SHC4: variants seen among roughly 807,000 people sequenced by gnomAD.
SHC4 encodes the protein SHC adaptor protein 4.
A neutral mutation model predicts 69.4 loss-of-function variants in SHC4; 41 were observed. The ratio of observed to expected loss-of-function variants is 0.59; its 90% confidence interval spans 0.46 to 0.77. The LOEUF (loss-of-function observed/expected upper bound fraction) is 0.77, where lower values mean the gene tolerates loss of function less well. Among genes scored for constraint, SHC4 ranks in the 30% least tolerant of loss-of-function variants. The pLI is 0.00. For missense variants in SHC4, 777 were observed against 783.8 expected (o/e 0.99, Z 0.10); for synonymous variants, 318 against 299.3 (o/e 1.06, Z -0.64).
At chr15:48,898,384 G>A (rs1389239214) in intron 2 of SHC4, among the ~76,000 whole-genome samples, 1 of 152,186 alleles carries the variant, frequency 6.6e-6, no homozygotes, top group Non-Finnish European at 1.5e-5. Context: ...GGTGAACTCA[G>A]CCTCATAAAA....
chr15:48,869,906 T>C (rs1266076746), intron 5 of SHC4, among the ~76,000 whole-genome samples: 3 of 152,120 alleles, frequency 2.0e-5, no homozygotes, highest in African/African-American at 7.2e-5. Context: ...TTTCCCATAG[T>C]GGCCACAAAT....
At chr15:48,900,208 AAAG>A (rs1900298465) in intron 2 of SHC4, among the ~76,000 whole-genome samples, 1 of 152,082 alleles carries the variant, frequency 6.6e-6, no homozygotes, top group Non-Finnish European at 1.5e-5. Context: ...CTCATCTCCT[AAAG>A]AAGAAGGGCT....
At chr15:48,842,767 C>A (rs1026820816) in intron 10 of SHC4, among the ~76,000 whole-genome samples, 10 of 151,958 alleles carry the variant, frequency 6.6e-5, no homozygotes, top group Middle Eastern at 3.2e-3. Flanking sequence ...CCTGTGTTTA[C>A]AAAAAATACA....
At chr15:48,888,787 CG>C (rs1207500079) in intron 3 of SHC4, among the ~76,000 whole-genome samples, 2 of 147,174 alleles carry the variant, frequency 1.4e-5, no homozygotes, top group African/African-American at 5.0e-5. Context: ...CCCAGATACT[CG>C]GGAGGCTGAG....
At chr15:48,890,875 G>A (rs1449509394) in intron 2 of SHC4, 64 bp from the exon 3 acceptor site, 7 of 1,555,084 alleles carry the variant, frequency 4.5e-6, no homozygotes, top group Middle Eastern at 1.7e-4. Context: ...AAGTGTTTAA[G>A]AAATGTTAGA....
intron 2 of SHC4, among the ~76,000 whole-genome samples, chr15:48,923,123 T>G (rs1299747507): frequency 6.6e-6 from 1 of 152,192 alleles, no homozygotes; most frequent in Non-Finnish European, 1.5e-5. Flanking sequence ...TGAGAGAGGT[T>G]TGGAAAGGCA....
intron 1 of SHC4, among the ~76,000 whole-genome samples, chr15:48,938,007 G>A (rs1901105035): frequency 6.6e-6 from 1 of 152,228 alleles, no homozygotes; most frequent in African/African-American, 2.4e-5. Context: ...GGAGGAGCAA[G>A]TGTTGGCACT....
chr15:48,915,330 C>T (rs888825916), intron 2 of SHC4, among the ~76,000 whole-genome samples: 1 of 152,156 alleles, frequency 6.6e-6, no homozygotes, highest in Non-Finnish European at 1.5e-5. Flanking sequence ...GAACCATTCC[C>T]AATTGATTGG....
At chr15:48,946,915 A>C (rs1901287198) in intron 1 of SHC4, among the ~76,000 whole-genome samples, 1 of 151,816 alleles carries the variant, frequency 6.6e-6, no homozygotes, top group African/African-American at 2.4e-5. Flanking sequence ...TCTGCATTTG[A>C]AAAGGTTGAG....
rs899269908 is a variant in SHC4, at chr15:48,834,794, A to C, written c.1712T>G (p.Leu571Arg). Residue 571 changes from leucine (L) to arginine (R), a missense_variant, in exon 11 of 12, where the codon CTT becomes CGT. By Grantham distance (102) the Leu-to-Arg change is moderately radical. Coordinates refer to ENST00000332408, the MANE Select transcript of SHC4 (RefSeq NM_203349.4). ...CTTGCCTTCAGGATCCACCAGGAGA[A>C]GATGTTTTGCTTGGCCTCCCTGTAG... Reference protein sequence around the residue: ...SGLQGGQAKHLLLVDPEGKVR... With the variant: ...SGLQGGQAKHRLLVDPEGKVR... 1.9e-6 allele frequency: 3 copies of C among 1,614,034 alleles called. No individual in the cohort carries two copies. The African/African-American group carries it at 4.0e-5, about 22-fold the overall frequency.
chr15:48,887,229 C>T (rs1285525460), intron 3 of SHC4, among the ~76,000 whole-genome samples: 1 of 152,158 alleles, frequency 6.6e-6, no homozygotes, highest in African/African-American at 2.4e-5. Flanking sequence ...TTCAACTGGT[C>T]CTAAATCGTT....
intron 1 of SHC4, among the ~76,000 whole-genome samples, chr15:48,943,914 G>A (rs1034185398): frequency 6.6e-6 from 1 of 152,002 alleles, no homozygotes; most frequent in South Asian, 2.1e-4. Context: ...GGCTTCCAGG[G>A]AAGCTGAGAA....
intron 9 of SHC4, among the ~76,000 whole-genome samples, chr15:48,848,021 A>C (rs1255997929): frequency 6.6e-6 from 1 of 150,776 alleles, no homozygotes; most frequent in African/African-American, 2.4e-5. Context: ...AAAAAAACAA[A>C]AAAAACAAAC....
Position 48,890,820 on chromosome 15 carries a change from C to T in SHC4, c.657-9G>A. On this transcript the variant is annotated splice_polypyrimidine_tract_variant and intron_variant, in intron 2 of 11. Coordinates refer to ENST00000332408, the MANE Select transcript of SHC4 (RefSeq NM_203349.4). ...GGCGACTTATTGCTTCCCTAAAGAA[C>T]AGAAACCATATAAATAAAGACTTAG... 5 of 1,614,088 alleles carry T rather than the reference C, an allele frequency of 3.1e-6. No individual in the cohort carries two copies. The highest frequency in any genetic ancestry group is 4.2e-6 in the Non-Finnish European group (5 of 1,179,966).
chr15:48,915,403 A>G (rs1262043466), intron 2 of SHC4, among the ~76,000 whole-genome samples: 9 of 152,222 alleles, frequency 5.9e-5, no homozygotes, highest in Non-Finnish European at 7.3e-5. Flanking sequence ...GGCTATTTCA[A>G]TTATCTCAAG....
At chr15:48,961,733 A>G (rs949238956) in intron 1 of SHC4, among the ~76,000 whole-genome samples, 10 of 152,208 alleles carry the variant, frequency 6.6e-5, no homozygotes, top group African/African-American at 2.2e-4. Flanking sequence ...CTGAGCTGCA[A>G]AAGGGCACAG....
At chr15:48,897,228 T>C (rs548747094) in intron 2 of SHC4, among the ~76,000 whole-genome samples, 55 of 152,130 alleles carry the variant, frequency 3.6e-4, no homozygotes, top group Non-Finnish European at 7.5e-4. Context: ...GCACCAACAG[T>C]GGCCACTTTG....
intron 10 of SHC4, among the ~76,000 whole-genome samples, chr15:48,836,583 T>C (rs567561674): frequency 6.6e-6 from 1 of 152,332 alleles, no homozygotes; most frequent in Non-Finnish European, 1.5e-5. Context: ...CAAAGCGTCT[T>C]TGAAATAGAA....
rs769525331 is a variant in SHC4, at chr15:48,962,581, T to C, written c.435A>G (p.Pro145=). 1.9e-6 allele frequency: 3 copies of C among 1,612,578 alleles called. No individual in the cohort carries two copies. The South Asian group carries it at 3.3e-5, about 18-fold the overall frequency. Residue 145 remains proline, a synonymous_variant, in exon 1 of 12, where the codon CCA becomes CCG. Coordinates refer to ENST00000332408, the MANE Select transcript of SHC4 (RefSeq NM_203349.4). ...TSLSRSGTAP[P]PQQDLVGHRA... is the part of the protein sequence containing the mutation. Reference sequence around the variant, plus strand: ...TGTGTCCCACCAGGTCCTGCTGCGGTGGAGGTGCAGTCCCGGACCTACTTA... The same window carrying C: ...TGTGTCCCACCAGGTCCTGCTGCGGCGGAGGTGCAGTCCCGGACCTACTTA...
Sources: allele counts gnomAD v4.1 joint callset (sites outside exome capture counted in the v4.1 genomes callset), GRCh38; gene constraint gnomAD v4.1.1; transcripts MANE v1.5; gene names NCBI Gene and HGNC (gene_info 2026-07-23, HGNC 2026-07-21).